Variants in TIMMDC1 observed in about 807,000 individuals in gnomAD.
The protein encoded by TIMMDC1 is translocase of inner mitochondrial membrane domain containing 1.
Under a neutral mutation model 32.6 loss-of-function variants are expected in TIMMDC1, and 25 were observed. That is an observed-to-expected ratio of 0.77 (90% CI 0.56 to 1.07). The LOEUF (loss-of-function observed/expected upper bound fraction) is 1.07. TIMMDC1 is among the 50% of genes least tolerant of loss of function. The probability of loss-of-function intolerance (pLI) is 0.00; values close to 1 mark genes in which losing one functional copy is unlikely to be tolerated. For synonymous variants in TIMMDC1, 130 were observed against 127.6 expected (o/e 1.02, Z -0.13); for missense variants, 329 against 349.2 (o/e 0.94, Z 0.46).
intron 4 of TIMMDC1, among the ~76,000 whole-genome samples, chr3:119,505,260 G>T (rs969193516): frequency 6.6e-6 from 1 of 152,026 alleles, no homozygotes; most frequent in African/African-American, 2.4e-5. Context: ...TTTAAAATGA[G>T]CATTCGTTTC....
At chr3:119,504,869 G>A (rs2081907887) in intron 4 of TIMMDC1, among the ~76,000 whole-genome samples, 1 of 152,088 alleles carries the variant, frequency 6.6e-6, no homozygotes, top group African/African-American at 2.4e-5. Context: ...ATCATCAGAG[G>A]TGATTTGAGA....
chr3:119,509,394 T>C (rs1427606553), intron 4 of TIMMDC1, among the ~76,000 whole-genome samples: 1 of 152,198 alleles, frequency 6.6e-6, no homozygotes, highest in Non-Finnish European at 1.5e-5. Context: ...AAATATGATA[T>C]GTCCATTCAC....
At position 119,498,728 on chromosome 3, in the gene TIMMDC1, A is replaced by G; in HGVS notation, c.-6A>G. On this transcript the variant is annotated 5_prime_UTR_variant, in exon 1 of 7. Transcript: ENST00000494664. ...CTCAAGTTTGTCCGTAGGTCGAGAG[A>G]AGGCCATGGAGGTGCCGCCACCGGC... 1.9e-6 allele frequency: 3 copies of G among 1,613,850 alleles called. No individual in the cohort carries two copies. The highest frequency in any genetic ancestry group is 2.5e-6 in the Non-Finnish European group (3 of 1,179,838).
chr3:119,523,223 A>C (rs2082040866), intron 6 of TIMMDC1, among the ~76,000 whole-genome samples: 1 of 152,206 alleles, frequency 6.6e-6, no homozygotes, highest in African/African-American at 2.4e-5. Flanking sequence ...ACAGAGTTTA[A>C]GAGTGGCAGG....
chr3:119,503,391 A>G (rs2081892944), intron 2 of TIMMDC1, 141 bp from the exon 3 acceptor site: 1 of 595,196 alleles, frequency 1.7e-6, no homozygotes, highest in Non-Finnish European at 2.9e-6. Context: ...CTTAAAGAAT[A>G]GTATTTCTAG....
Position 119,500,698 on chromosome 3 carries a change from ACAG to A in TIMMDC1, c.202_204del (p.Gln68del), listed in dbSNP as rs1560044662. 3 of 1,612,734 alleles carry A rather than the reference ACAG, an allele frequency of 1.9e-6. No individual in the cohort carries two copies. Among genetic ancestry groups the A allele is most frequent in the East Asian group, 2.2e-5 (1 of 44,864 alleles). On this transcript the variant is annotated inframe_deletion, in exon 2 of 7. Transcript: ENST00000494664. ...CATTGTCTTTTTGATGTTGTAGTGA[ACAG>A]CAGAGAATTTCAAAGGACCTTGCTA...
chr3:119,521,867 T>C (rs1354002830), intron 6 of TIMMDC1, among the ~76,000 whole-genome samples: 3 of 152,124 alleles, frequency 2.0e-5, no homozygotes, highest in Non-Finnish European at 4.4e-5. Flanking sequence ...TGGAGTGATA[T>C]TTATCCCAAT....
intron 4 of TIMMDC1, among the ~76,000 whole-genome samples, chr3:119,505,647 G>A (rs555784493): frequency 3.5e-4 from 53 of 152,276 alleles, no homozygotes; most frequent in African/African-American, 1.1e-3. Flanking sequence ...GATTACAGGC[G>A]TAAGCTACCA....
chr3:119,516,857 G>A lies in TIMMDC1; in HGVS notation c.597-348G>A, dbSNP rs114189851. Among the ~76,000 whole-genome samples, 920 of 152,214 alleles carry A rather than the reference G, an allele frequency of 6.0e-3. 14 individuals carry two copies. Among genetic ancestry groups the A allele is most frequent in the African/African-American group, 0.022 (898 of 41,510 alleles). ...AAATTTCATTTTTGAGAAATCTTTG[G>A]TGTGGGGCTACTTACTAGAACTTGT... On this transcript the variant is annotated intron_variant, in intron 5 of 6. Transcript: ENST00000494664.
rs1156711080 is a variant in TIMMDC1, at chr3:119,523,958, A to G, written c.*202A>G. The G allele has an allele frequency of 2.3e-6, 1 of 429,556 alleles. No homozygotes were observed. Among genetic ancestry groups the G allele is most frequent in the Non-Finnish European group, 4.1e-6 (1 of 243,500 alleles). The allele number at this position is 429,556 out of a possible 1,614,324, so 26.6% of individuals were successfully genotyped here. The stretch of plus-strand genomic sequence containing the variant: ...GTACTCTCACTTTACTTATCCTTAA[A>G]TTTAAATACATACTTATGTTTGTAT... On this transcript the variant is annotated 3_prime_UTR_variant, in exon 7 of 7. Coordinates refer to ENST00000494664, the MANE Select transcript of TIMMDC1 (RefSeq NM_016589.4).
At chr3:119,521,429 C>T (rs529707089) in intron 6 of TIMMDC1, among the ~76,000 whole-genome samples, 33 of 152,222 alleles carry the variant, frequency 2.2e-4, no homozygotes, top group African/African-American at 7.9e-4. Context: ...CACCTGTAAT[C>T]CCAACTGCGT....
chr3:119,503,499 C>G, intron 2 of TIMMDC1, 33 bp from the exon 3 acceptor site: 1 of 1,540,928 alleles, frequency 6.5e-7, no homozygotes, highest in Non-Finnish European at 8.8e-7. Context: ...ATGATGGTGT[C>G]TTAGAACCTC....
intron 4 of TIMMDC1, among the ~76,000 whole-genome samples, chr3:119,508,942 A>G (rs1461364055): frequency 6.6e-6 from 1 of 152,196 alleles, no homozygotes; most frequent in African/African-American, 2.4e-5. Flanking sequence ...GTGGTGGCTT[A>G]TGCCTGTAAT....
In TIMMDC1 at chr3:119,517,199, TCTC is replaced by T. The variant is rs754344130; in HGVS notation, c.597-5_597-3del. On this transcript the variant is annotated splice_region_variant and splice_polypyrimidine_tract_variant and intron_variant, in intron 5 of 6. Transcript: ENST00000494664. ...TTCCTAAGCTTTCCCTCTCCTTTCT[TCTC>T]AGCACTCCTGTAGGAGGCCTGCTGA... 5 of 1,588,686 alleles carry T rather than the reference TCTC, an allele frequency of 3.1e-6. No homozygotes were observed. Among genetic ancestry groups the T allele is most frequent in the Non-Finnish European group, 4.3e-6 (5 of 1,157,638 alleles).
At chr3:119,513,538 TC>T in intron 4 of TIMMDC1, 102 bp from the exon 5 acceptor site, 1 of 833,850 alleles carries the variant, frequency 1.2e-6, no homozygotes, top group East Asian at 2.7e-5. Context: ...AACATTGGAT[TC>T]AGAAAGCTCA....
At chr3:119,501,102 C>G (rs1177741637) in intron 2 of TIMMDC1, among the ~76,000 whole-genome samples, 2 of 152,230 alleles carry the variant, frequency 1.3e-5, no homozygotes, top group Non-Finnish European at 2.9e-5. Context: ...TTTTCTTTCT[C>G]AAATACATTT....
chr3:119,520,985 C>T (rs1328500701), intron 6 of TIMMDC1, among the ~76,000 whole-genome samples: 1 of 152,028 alleles, frequency 6.6e-6, no homozygotes, highest in East Asian at 1.9e-4. Context: ...GGAAAAAAAC[C>T]ATATGATCAT....
intron 5 of TIMMDC1, 78 bp from the exon 6 acceptor site, chr3:119,517,127 C>T (rs1400112526): frequency 2.4e-6 from 2 of 845,232 alleles, no homozygotes; most frequent in East Asian, 2.5e-5. Context: ...GTGTTGCTCA[C>T]ACCTTAGCAG....
Position 119,500,691 on chromosome 3 carries a change from G to A in TIMMDC1, c.195-4G>A, listed in dbSNP as rs2107726026. The A allele has an allele frequency of 6.2e-7, 1 of 1,611,020 alleles. No individual in the cohort carries two copies. ...CAAACAACATTGTCTTTTTGATGTT[G>A]TAGTGAACAGCAGAGAATTTCAAAG... On this transcript the variant is annotated splice_polypyrimidine_tract_variant and splice_region_variant and intron_variant, in intron 1 of 6. Transcript: ENST00000494664.
Sources: gnomAD v4.1 joint callset for allele counts (sites outside exome capture counted in the v4.1 genomes callset) on GRCh38, gnomAD v4.1.1 for gene constraint, MANE v1.5 for transcripts, NCBI Gene and HGNC (gene_info 2026-07-23, HGNC 2026-07-21) for gene names.